Variants in CISD2 observed in about 807,000 individuals in gnomAD.
CISD2 encodes the protein CDGSH iron sulfur domain 2.
In CISD2, 1 loss-of-function variant was observed where a neutral mutation model predicts 12.9. That is an observed-to-expected ratio of 0.08 (90% CI 0.03 to 0.37). The LOEUF is 0.37. Ranked by LOEUF, CISD2 falls within the 10% of genes least tolerant of loss-of-function variation. CISD2 has a pLI of 0.99. For synonymous variants in CISD2, 50 were observed against 60.6 expected (o/e 0.83, Z 0.81); for missense variants, 97 against 163.1 (o/e 0.59, Z 2.21).
intron 1 of CISD2, among the ~76,000 whole-genome samples, chr4:102,871,949 A>T (rs1733461435): frequency 9.6e-6 from 1 of 104,366 alleles, no homozygotes; most frequent in Non-Finnish European, 1.9e-5. Context: ...TAATGACCAT[A>T]TACTAGTTAA....
In CISD2 at chr4:102,881,008, A is replaced by AT. The variant is rs576190969; in HGVS notation, c.104-4200dup. 1.1e-3 allele frequency among the ~76,000 whole-genome samples: 158 copies of AT among 149,484 alleles called. 1 individual carries two copies. The highest frequency in any genetic ancestry group is 1.5e-3 in the South Asian group (7 of 4,788). The stretch of plus-strand genomic sequence containing the variant: ...GCTGTCTCAAAAAAAAAAAAAAAAA[A>AT]TTTTTTTTGCACATTATTTACAGTT... On this transcript the variant is annotated intron_variant, in intron 1 of 2. Coordinates refer to ENST00000273986, the MANE Select transcript of CISD2 (RefSeq NM_001008388.5).
chr4:102,882,323 AT>A (rs1439778920), intron 1 of CISD2, among the ~76,000 whole-genome samples: 1 of 152,254 alleles, frequency 6.6e-6, no homozygotes, highest in Non-Finnish European at 1.5e-5. Context: ...TTGAACAAAC[AT>A]TTAATGACTG....
intron 1 of CISD2, among the ~76,000 whole-genome samples, chr4:102,875,353 T>A (rs1297126874): frequency 6.6e-6 from 1 of 152,268 alleles, no homozygotes; most frequent in East Asian, 1.9e-4. Flanking sequence ...TAGTACACAG[T>A]ATTATGATCG....
At chr4:102,881,947 T>A (rs1176001423) in intron 1 of CISD2, among the ~76,000 whole-genome samples, 2 of 152,180 alleles carry the variant, frequency 1.3e-5, no homozygotes, top group South Asian at 2.1e-4. Context: ...ATCCCAGGAC[T>A]TCGTGGGGCT....
At chr4:102,869,580 C>T (rs72933535) in intron 1 of CISD2, 1 of 697,436 alleles carries the variant, frequency 1.4e-6, no homozygotes, top group Non-Finnish European at 2.6e-6. Context: ...AACAGGCAGC[C>T]CCAGCTACCG....
intron 1 of CISD2, among the ~76,000 whole-genome samples, chr4:102,879,240 TTAATAA>T (rs1403164139): frequency 6.6e-6 from 1 of 151,978 alleles, no homozygotes; most frequent in Admixed American, 6.6e-5. Context: ...TAGTAGATAC[TTAATAA>T]TTATATAGTA....
At chr4:102,869,296 C>G in intron 1 of CISD2, 109 bp downstream of exon 1, 2 of 1,419,768 alleles carry the variant, frequency 1.4e-6, no homozygotes, top group Non-Finnish European at 1.9e-6. Context: ...GCGCCTGGCA[C>G]GTGATCCCCG....
In CISD2 at chr4:102,890,433, G is replaced by A. The variant is rs1560909707; in HGVS notation, c.*3003G>A. ...GATGTTTTATTTGATACCTACCAAAGAAGCCTAAGTAATTGTATAATACTT... is the reference window on the plus strand; with the variant it reads ...GATGTTTTATTTGATACCTACCAAAAAAGCCTAAGTAATTGTATAATACTT... On this transcript the variant is annotated 3_prime_UTR_variant, in exon 3 of 3. Transcript: ENST00000273986. The A allele has an allele frequency of 6.6e-6, 1 of 152,164 alleles. No individual in the cohort carries two copies. Among genetic ancestry groups the A allele is most frequent in the African/African-American group, 2.4e-5 (1 of 41,434 alleles). 9.4% of individuals were successfully genotyped at this position (152,164 alleles called of 1,614,324 possible). A position where few individuals can be genotyped will look rare whatever the true frequency, so the allele number is the denominator to read the frequency against.
At chr4:102,872,958 G>A (rs1733496674) in intron 1 of CISD2, among the ~76,000 whole-genome samples, 1 of 152,172 alleles carries the variant, frequency 6.6e-6, no homozygotes, top group Admixed American at 6.5e-5. Context: ...GGCTGGGGAG[G>A]CCTTAGGAAA....
At position 102,877,970 on chromosome 4, in the gene CISD2, G is replaced by A. The variant is rs537092947; in HGVS notation, c.104-7246G>A. Among the ~76,000 whole-genome samples the A allele has an allele frequency of 5.4e-4, 82 of 152,258 alleles. 1 individual carries two copies. In the South Asian group the frequency reaches 6.6e-3, roughly 12 times the overall value. ...CCACAAAACCATTTTTTCCTTCTAG[G>A]CCTCTGGGCCTGTGATGGAAGGGCC... On this transcript the variant is annotated intron_variant, in intron 1 of 2. Coordinates refer to ENST00000273986, the MANE Select transcript of CISD2 (RefSeq NM_001008388.5).
At chr4:102,880,057 C>T (rs968034164) in intron 1 of CISD2, among the ~76,000 whole-genome samples, 7 of 152,080 alleles carry the variant, frequency 4.6e-5, no homozygotes, top group Non-Finnish European at 1.0e-4. Flanking sequence ...ATTCTCCTGC[C>T]TCAGCCTCCT....
At chr4:102,872,257 A>G (rs959197852) in intron 1 of CISD2, among the ~76,000 whole-genome samples, 1 of 152,026 alleles carries the variant, frequency 6.6e-6, no homozygotes, top group African/African-American at 2.4e-5. Flanking sequence ...TTTAGTAGAG[A>G]CGGAGTTTCA....
rs1323445984 is a variant in CISD2, at chr4:102,890,175, A to G, written c.*2745A>G. On this transcript the variant is annotated 3_prime_UTR_variant, in exon 3 of 3. Transcript: ENST00000273986. ...TGGAAAGCACCTCACAATTCACACA[A>G]TTCAGCTTTGAGTTCAATGCCAAAT... 3.3e-5 allele frequency: 5 copies of G among 152,226 alleles called. No individual in the cohort carries two copies. Among genetic ancestry groups the G allele is most frequent in the Non-Finnish European group, 2.9e-5 (2 of 68,050 alleles). The allele number at this position is 152,226 out of a possible 1,614,324, so 9.4% of individuals were successfully genotyped here.
intron 1 of CISD2, among the ~76,000 whole-genome samples, chr4:102,877,222 G>A (rs1399227669): frequency 4.6e-5 from 7 of 152,152 alleles, no homozygotes; most frequent in African/African-American, 1.7e-4. Context: ...CTGAAACAAG[G>A]CAAGTCCCTT....
chr4:102,887,031 C>G (rs1208545989), intron 2 of CISD2, among the ~76,000 whole-genome samples: 1 of 152,102 alleles, frequency 6.6e-6, no homozygotes, highest in African/African-American at 2.4e-5. Flanking sequence ...TAGGTGAGCT[C>G]GAATTTTAAG....
At chr4:102,874,702 T>C (rs1346417803) in intron 1 of CISD2, 1 of 152,146 alleles carries the variant, frequency 6.6e-6, no homozygotes, top group Non-Finnish European at 1.5e-5. Context: ...TGTTTTAAGC[T>C]AAAAAAGAAA....
At chr4:102,873,771 A>G (rs1478243947) in intron 1 of CISD2, among the ~76,000 whole-genome samples, 7 of 150,874 alleles carry the variant, frequency 4.6e-5, no homozygotes, top group Admixed American at 1.3e-4. Flanking sequence ...GTCAATATGT[A>G]TATTAGGTCC....
chr4:102,892,108 G>C lies in CISD2; in HGVS notation c.*4678G>C, dbSNP rs1356952753. On this transcript the variant is annotated 3_prime_UTR_variant, in exon 3 of 3. Coordinates refer to ENST00000273986, the MANE Select transcript of CISD2 (RefSeq NM_001008388.5). ...AAGTCTGGCCCTGTCACCCAGGCTG[G>C]AGTGCGGGGGCATGATCGTAGCTCA... 1 of 152,182 alleles carries C rather than the reference G, an allele frequency of 6.6e-6. No homozygotes were observed. The highest frequency in any genetic ancestry group is 1.5e-5 in the Non-Finnish European group (1 of 68,048). 9.4% of individuals were successfully genotyped at this position (152,182 alleles called of 1,614,324 possible). A position where few individuals can be genotyped will look rare whatever the true frequency, so the allele number is the denominator to read the frequency against.
chr4:102,869,231 C>T (rs747460454), intron 1 of CISD2, 44 bp downstream of exon 1: 1 of 1,568,362 alleles, frequency 6.4e-7, no homozygotes, highest in Non-Finnish European at 8.6e-7. Flanking sequence ...GCACGTTCGC[C>T]AAGCGGGGGA....
Sources: gnomAD v4.1 joint callset for allele counts (sites outside exome capture counted in the v4.1 genomes callset) on GRCh38, gnomAD v4.1.1 for gene constraint, MANE v1.5 for transcripts, NCBI Gene and HGNC (gene_info 2026-07-23, HGNC 2026-07-21) for gene names.